Variants in FBXO10 observed in about 807,000 individuals in gnomAD.
The protein encoded by FBXO10 is F-box protein 10.
FBXO10 carries 39 observed loss-of-function variants against 80.7 expected under a neutral mutation model. The ratio of observed to expected loss-of-function variants is 0.48; its 90% CI spans 0.37 to 0.63. The LOEUF (loss-of-function observed/expected upper bound fraction) is 0.63. FBXO10 is among the 30% of genes least tolerant of loss of function. FBXO10 has a pLI of 0.00. For missense variants in FBXO10, 1,025 were observed against 1,269.0 expected, an observed-to-expected ratio of 0.81 and a Z score of 2.92; for synonymous variants, 449 against 489.6, an observed-to-expected ratio of 0.92 and a Z score of 1.09.
chr9:37,538,333 C>T (rs571858099), intron 2 of FBXO10, among the ~76,000 whole-genome samples: 6 of 152,252 alleles, frequency 3.9e-5, no homozygotes, highest in South Asian at 4.1e-4. Context: ...AACTGATGCA[C>T]GTGGTGCACA....
chr9:37,576,124 C>G (rs1822889430), intron 1 of FBXO10, 87 bp downstream of exon 1: 2 of 152,320 alleles, frequency 1.3e-5, no homozygotes, highest in African/African-American at 4.8e-5. Flanking sequence ...AGCGGCGCCT[C>G]CTGGGTCGGT....
rs1297908051 is a variant in FBXO10 at position 37,521,764 on chromosome 9, C to G, written c.2005G>C (p.Gly669Arg). 1 of 1,612,512 alleles carries G rather than the reference C, an allele frequency of 6.2e-7. No homozygotes were observed. The highest frequency in any genetic ancestry group is 8.5e-7 in the Non-Finnish European group (1 of 1,179,632). The change falls in exon 8 of 11, where the codon GGC becomes CGC. Residue 669 changes from glycine to arginine, a missense_variant. Coordinates refer to ENST00000432825, the MANE Select transcript of FBXO10 (RefSeq NM_012166.3). Reference protein sequence around the residue: ...HVTSNHVSYNGLYGVAVFSQK... With the variant: ...HVTSNHVSYNRLYGVAVFSQK... ...CTAAATACTGCCACTCCATACAGGC[C>G]ATTGTAGCTGACGTGGTTGCTGGTG...
chr9:37,523,455 G>A (rs1372991929), intron 6 of FBXO10, among the ~76,000 whole-genome samples: 1 of 152,066 alleles, frequency 6.6e-6, no homozygotes, highest in Non-Finnish European at 1.5e-5. Flanking sequence ...TTGGGAGGCT[G>A]GGTGGGAGGA....
intron 7 of FBXO10, 115 bp from the exon 8 acceptor site, chr9:37,521,953 A>G (rs1391795613): frequency 8.1e-7 from 1 of 1,240,534 alleles, no homozygotes; most frequent in Non-Finnish European, 1.1e-6. Context: ...CTGCCTTGCT[A>G]ATGACCTCGG....
chr9:37,542,557 T>C (rs934193686), intron 1 of FBXO10, among the ~76,000 whole-genome samples: 2 of 148,232 alleles, frequency 1.3e-5, no homozygotes, highest in East Asian at 4.0e-4. Context: ...GATCGTGCCA[T>C]TGCGCTCCAG....
At chr9:37,525,446 G>A (rs747088465) in intron 5 of FBXO10, among the ~76,000 whole-genome samples, 2 of 152,122 alleles carry the variant, frequency 1.3e-5, no homozygotes, top group African/African-American at 4.8e-5. Flanking sequence ...TTGTCACTGG[G>A]ACAGCTTGAC....
intron 1 of FBXO10, among the ~76,000 whole-genome samples, chr9:37,550,773 A>G (rs1257901320): frequency 6.6e-6 from 1 of 152,112 alleles, no homozygotes; most frequent in Non-Finnish European, 1.5e-5. Flanking sequence ...CACCCAGCCT[A>G]TTTCTCAGTT....
At chr9:37,523,660 G>A (rs149314927) in intron 6 of FBXO10, among the ~76,000 whole-genome samples, 29 of 152,296 alleles carry the variant, frequency 1.9e-4, no homozygotes, top group East Asian at 9.7e-4. Flanking sequence ...GGTGGCTCAC[G>A]CCTGTAACCC....
chr9:37,517,927 T>A (rs1430036326), intron 9 of FBXO10, among the ~76,000 whole-genome samples, 198 bp downstream of exon 9: 2 of 152,106 alleles, frequency 1.3e-5, no homozygotes, highest in East Asian at 3.9e-4. Flanking sequence ...CCCTTGTTCA[T>A]CCTTCAGGAC....
chr9:37,564,981 T>C (rs1303063373), intron 1 of FBXO10, among the ~76,000 whole-genome samples: 1 of 152,164 alleles, frequency 6.6e-6, no homozygotes, highest in Non-Finnish European at 1.5e-5. Context: ...GCCCAAAATA[T>C]CATCTTGAAT....
rs1357739620 is a variant in FBXO10 at position 37,541,068 on chromosome 9, TATA to T, written c.585+113_585+115del. Reference sequence around the variant, plus strand: ...GGTTCAGCACTCAGAGGAGTATGAGTATAATAATAACTCTTAACTTTCAATTCC... The same window carrying T: ...GGTTCAGCACTCAGAGGAGTATGAGTATAATAACTCTTAACTTTCAATTCC... On this transcript the variant is annotated intron_variant, in intron 2 of 10. Coordinates refer to ENST00000432825, the MANE Select transcript of FBXO10 (RefSeq NM_012166.3). 4.7e-6 allele frequency: 4 copies of T among 853,902 alleles called. No homozygotes were observed. The South Asian group carries it at 5.3e-5, about 11-fold the overall frequency. 52.9% of individuals were successfully genotyped at this position (853,902 alleles called of 1,614,324 possible). A position where few individuals can be genotyped will look rare whatever the true frequency, so the allele number is the denominator to read the frequency against.
intron 1 of FBXO10, among the ~76,000 whole-genome samples, chr9:37,570,854 C>A (rs555519695): frequency 1.3e-5 from 2 of 151,848 alleles, no homozygotes; most frequent in African/African-American, 4.8e-5. Flanking sequence ...ATTAGCTGGG[C>A]GTGGTGGCAC....
intron 8 of FBXO10, among the ~76,000 whole-genome samples, chr9:37,518,841 T>C (rs971505902): frequency 5.3e-5 from 8 of 152,102 alleles, no homozygotes; most frequent in Non-Finnish European, 1.2e-4. Flanking sequence ...GATCTACTCA[T>C]TAGAGGGTTT....
intron 1 of FBXO10, among the ~76,000 whole-genome samples, chr9:37,573,884 A>AAAAG (rs35641808): frequency 0.75 from 113,539 of 151,692 alleles, 42,688 homozygotes; most frequent in East Asian, 0.94. Flanking sequence ...TCACTAAACT[A>AAAAG]AAAGAGGGTA....
At position 37,537,850 on chromosome 9, in the gene FBXO10, T is replaced by C. The variant is rs774202887; in HGVS notation, c.679A>G (p.Thr227Ala). ...AGGAAGATATGGGTGTTTTTGAAGG[T>C]ACAGAACTTCACTTGGCAAGTACCC... ...GPGTCQVKFC[T>A]FKNTHIFLHN... The change falls in exon 3 of 11, where the codon ACC becomes GCC. Residue 227 changes from threonine (T) to alanine (A), a missense_variant. Thr to Ala is a moderately conservative substitution (Grantham distance 58). Transcript: ENST00000432825. The C allele has an allele frequency of 4.5e-5, 73 of 1,613,858 alleles. No homozygotes were observed. Among genetic ancestry groups the C allele is most frequent in the Non-Finnish European group, 5.8e-5 (68 of 1,179,890 alleles).
intron 3 of FBXO10, among the ~76,000 whole-genome samples, chr9:37,533,156 T>C (rs551870447): frequency 9.4e-5 from 4 of 42,416 alleles, no homozygotes; most frequent in African/African-American, 3.3e-4. Flanking sequence ...TTATGTTTAA[T>C]AAGTACAGTT....
intron 1 of FBXO10, among the ~76,000 whole-genome samples, chr9:37,572,674 A>T (rs901556418): frequency 5.9e-5 from 9 of 152,252 alleles, no homozygotes; most frequent in Admixed American, 3.3e-4. Context: ...GATTATCACA[A>T]GATGATTTCT....
In FBXO10 at chr9:37,518,179, A is replaced by G. The variant is rs930869268; in HGVS notation, c.2460T>C (p.Asp820=). Residue 820 remains aspartate (D), a synonymous_variant, in exon 9 of 11, where the codon GAT becomes GAC. Coordinates refer to ENST00000432825, the MANE Select transcript of FBXO10 (RefSeq NM_012166.3). ...GCCCGCTGCCCCGGTTGCCAATGAT[A>G]TCGTTTTCAATGACGATGGTGCTGT... ...KGDSTIVIEN[D]IIGNRGSGLQ... 1.2e-6 allele frequency: 2 copies of G among 1,613,914 alleles called. No homozygotes were observed. The highest frequency in any genetic ancestry group is 1.7e-6 in the Non-Finnish European group (2 of 1,179,898).
chr9:37,522,456 ATTATC>A (rs1460067622), intron 7 of FBXO10: 3 of 1,042,140 alleles, frequency 2.9e-6, no homozygotes, highest in Admixed American at 5.0e-5. Flanking sequence ...TCTTCCTGTG[ATTATC>A]TTGTTTTCCC....
Sources: gnomAD v4.1 joint callset for allele counts (sites outside exome capture counted in the v4.1 genomes callset) on GRCh38, gnomAD v4.1.1 for gene constraint, MANE v1.5 for transcripts, NCBI Gene and HGNC (gene_info 2026-07-23, HGNC 2026-07-21) for gene names.